Variants in RBFA observed in about 807,000 individuals in gnomAD.
RBFA encodes the protein putative ribosome-binding factor A, mitochondrial.
RBFA carries 16 observed loss-of-function variants against 27.9 expected under a neutral mutation model. The ratio of observed to expected loss-of-function variants is 0.57; its 90% CI spans 0.39 to 0.87. The LOEUF (loss-of-function observed/expected upper bound fraction) is 0.87. RBFA is among the 40% of genes least tolerant of loss of function. RBFA has a pLI of 0.00. For missense variants in RBFA, 456 were observed against 432.1 expected (o/e 1.06, Z -0.49); for synonymous variants, 181 against 181.0 (o/e 1.00, Z 0.00).
intron 5 of RBFA, among the ~76,000 whole-genome samples, chr18:80,043,796 G>A (rs558634892): frequency 8.5e-5 from 13 of 152,288 alleles, no homozygotes; most frequent in Admixed American, 4.6e-4. Context: ...GTGACTGTCC[G>A]CATCATCTTT....
chr18:80,045,566 G>A (rs1471593796), intron 6 of RBFA, among the ~76,000 whole-genome samples: 2 of 152,086 alleles, frequency 1.3e-5, no homozygotes, highest in African/African-American at 4.8e-5. Context: ...CCTGGACTGT[G>A]CTGGCCGAAT....
At chr18:80,037,287 G>A in intron 2 of RBFA, 43 bp from the exon 3 acceptor site, 1 of 1,582,504 alleles carries the variant, frequency 6.3e-7, no homozygotes, top group Non-Finnish European at 8.6e-7. Flanking sequence ...TGAGTTTGGA[G>A]TTGTAACGCT....
chr18:80,042,230 C>G lies in RBFA; in HGVS notation c.576+11C>G, dbSNP rs1206133227. 2 of 1,566,120 alleles carry G rather than the reference C, an allele frequency of 1.3e-6. No individual in the cohort carries two copies. The highest frequency in any genetic ancestry group is 1.7e-6 in the Non-Finnish European group (2 of 1,158,290). ...GCAGCTCTAGCTGAGGTAAGGTTTT[C>G]AAAAAAACTTTTTAAAATTTAAAAA... On this transcript the variant is annotated intron_variant, in intron 5 of 6. Coordinates refer to ENST00000306735, the MANE Select transcript of RBFA (RefSeq NM_024805.3).
At chr18:80,045,495 G>A (rs554295683) in intron 6 of RBFA, among the ~76,000 whole-genome samples, 1 of 152,138 alleles carries the variant, frequency 6.6e-6, no homozygotes, top group Non-Finnish European at 1.5e-5. Flanking sequence ...ACAGTGCTGG[G>A]ATTACAGATG....
chr18:80,044,110 C>G lies in RBFA; in HGVS notation c.577-102C>G, dbSNP rs533946112. Reference sequence around the variant, plus strand: ...TGGAAGGAATTGTGCAAAGTCTGATCAAAAGCTCTGCAGTCAACAATGCTG... The same window carrying G: ...TGGAAGGAATTGTGCAAAGTCTGATGAAAAGCTCTGCAGTCAACAATGCTG... On this transcript the variant is annotated intron_variant, in intron 5 of 6. Transcript: ENST00000306735. 11 of 960,846 alleles carry G rather than the reference C, an allele frequency of 1.1e-5. No homozygotes were observed. The South Asian group carries it at 1.2e-4, about 10-fold the overall frequency. The allele number at this position is 960,846 out of a possible 1,614,324, so 59.5% of individuals were successfully genotyped here.
At position 80,049,328 on chromosome 18, in the gene RBFA, A is replaced by G. The variant is rs1038101368; in HGVS notation, c.*3173A>G. Among the ~76,000 whole-genome samples, 3 of 151,660 alleles carry G rather than the reference A, an allele frequency of 2.0e-5. No homozygotes were observed. The highest frequency in any genetic ancestry group is 7.3e-5 in the African/African-American group (3 of 41,186). The stretch of plus-strand genomic sequence containing the variant: ...CCACGGCCTTTCCTGGGAGCAGGTT[A>G]GGGACATGGAAGCTCACGCCCTTCT... On this transcript the variant is annotated 3_prime_UTR_variant, in exon 7 of 7. Transcript: ENST00000306735.
In RBFA at chr18:80,044,412, C is replaced by T. The variant is rs2052036828; in HGVS notation, c.650+127C>T. 12 of 824,992 alleles carry T rather than the reference C, an allele frequency of 1.5e-5. No individual in the cohort carries two copies. In the Middle Eastern group the frequency reaches 9.1e-4, roughly 62 times the overall value. The allele number at this position is 824,992 out of a possible 1,614,324, so 51.1% of individuals were successfully genotyped here. Reference sequence around the variant, plus strand: ...TGCATGATCCCCATGGCACTTGCCTCCAGGGCCGGCAATCCACATTCACAG... The same window carrying T: ...TGCATGATCCCCATGGCACTTGCCTTCAGGGCCGGCAATCCACATTCACAG... On this transcript the variant is annotated intron_variant, in intron 6 of 6. Transcript: ENST00000306735.
In RBFA at chr18:80,050,641, A is replaced by T. The variant is rs1239151179; in HGVS notation, c.*4486A>T. On this transcript the variant is annotated 3_prime_UTR_variant, in exon 7 of 7. Coordinates refer to ENST00000306735, the MANE Select transcript of RBFA (RefSeq NM_024805.3). ...AGATACTGAAATAAATTAATTCTGT[A>T]TTTCTAAAAATAATTTCATACTTTC... Among the ~76,000 whole-genome samples, 1 of 152,238 alleles carries T rather than the reference A, an allele frequency of 6.6e-6. No homozygotes were observed. The highest frequency in any genetic ancestry group is 1.5e-5 in the Non-Finnish European group (1 of 68,044).
At chr18:80,035,062 C>T in intron 1 of RBFA, 1 of 199,982 alleles carries the variant, frequency 5.0e-6, no homozygotes, top group Non-Finnish European at 1.0e-5. Flanking sequence ...ATTGACTTTT[C>T]ACACTGCTTT....
At position 80,038,525 on chromosome 18, in the gene RBFA, C is replaced by A. The variant is rs201152461; in HGVS notation, c.399C>A (p.Phe133Leu). ...CTCAGGTTTCCCTGACTCCAGACTTCTCAGCCTGCCGAGCGTACTGGAAGA... is the reference window on the plus strand; with the variant it reads ...CTCAGGTTTCCCTGACTCCAGACTTATCAGCCTGCCGAGCGTACTGGAAGA... ...ELSKVSLTPD[F>L]SACRAYWKTT... The change falls in exon 4 of 7, where the codon TTC becomes TTA. Residue 133 changes from phenylalanine to leucine, a missense_variant. Phe to Leu is a conservative substitution (Grantham distance 22). Coordinates refer to ENST00000306735, the MANE Select transcript of RBFA (RefSeq NM_024805.3). 3.4e-5 allele frequency: 55 copies of A among 1,613,348 alleles called. No individual in the cohort carries two copies. The highest frequency in any genetic ancestry group is 1.6e-4 in the Middle Eastern group (1 of 6,078).
Position 80,046,648 on chromosome 18 carries a change from G to A in RBFA, c.*493G>A, listed in dbSNP as rs927292598. On this transcript the variant is annotated 3_prime_UTR_variant, in exon 7 of 7. Transcript: ENST00000306735. ...ATCCCTGGGGCTGCTGGGTCGGCACGTGGCGCCGGGGGCTCCGTCCCTGAC... is the reference window on the plus strand; with the variant it reads ...ATCCCTGGGGCTGCTGGGTCGGCACATGGCGCCGGGGGCTCCGTCCCTGAC... Among the ~76,000 whole-genome samples, 7 of 152,102 alleles carry A rather than the reference G, an allele frequency of 4.6e-5. No individual in the cohort carries two copies. In the South Asian group the frequency reaches 1.5e-3, roughly 32 times the overall value.
chr18:80,042,662 T>G (rs2052024235), intron 5 of RBFA, among the ~76,000 whole-genome samples: 7 of 151,500 alleles, frequency 4.6e-5, no homozygotes, highest in Admixed American at 4.6e-4. Flanking sequence ...TCTCAGCTGC[T>G]CGGGAGGCTG....
intron 4 of RBFA, among the ~76,000 whole-genome samples, chr18:80,039,713 G>A (rs1162756756): frequency 6.6e-6 from 1 of 152,222 alleles, no homozygotes; most frequent in East Asian, 1.9e-4. Flanking sequence ...CAAACGTGCT[G>A]TTGTATGATA....
rs1053110872 is a variant in RBFA, at chr18:80,046,000, A to T, written c.877A>T (p.Lys293Ter). The T allele has an allele frequency of 1.2e-6, 2 of 1,614,060 alleles. No homozygotes were observed. The highest frequency in any genetic ancestry group is 2.2e-5 in the East Asian group (1 of 44,896). Residue 293 changes from lysine to a stop codon, truncating the protein, a stop_gained, in exon 7 of 7, where the codon AAG (lysine) becomes TAG (stop). Transcript: ENST00000306735. LOFTEE classifies it low-confidence loss of function (END_TRUNC). Reference sequence around the variant, plus strand: ...CCGCCTGGAGCAGGACAGCTCCCTCAAGAGTTACCTGTCAGGCGAGGAGGT... The same window carrying T: ...CCGCCTGGAGCAGGACAGCTCCCTCTAGAGTTACCTGTCAGGCGAGGAGGT... ...KPRLEQDSSL[K>*]SYLSGEEVED...
rs1213812425 is a variant in RBFA at position 80,038,517 on chromosome 18, C to T, written c.391C>T (p.Pro131Ser). 3.1e-6 allele frequency: 5 copies of T among 1,612,230 alleles called. No individual in the cohort carries two copies. Among genetic ancestry groups the T allele is most frequent in the East Asian group, 2.2e-5 (1 of 44,832 alleles). ...GGCGGGGTCTCAGGTTTCCCTGACT[C>T]CAGACTTCTCAGCCTGCCGAGCGTA... Reference protein sequence around the residue: ...NVELSKVSLTPDFSACRAYWK... With the variant: ...NVELSKVSLTSDFSACRAYWK... Residue 131 changes from proline to serine, a missense_variant, in exon 4 of 7, where the codon CCA becomes TCA. Transcript: ENST00000306735.
intron 1 of RBFA, chr18:80,035,940 C>G (rs1172898530): frequency 6.6e-6 from 1 of 152,198 alleles, no homozygotes; most frequent in Non-Finnish European, 1.5e-5. Flanking sequence ...TTCCTACTTT[C>G]TGGCACTACA....
intron 5 of RBFA, among the ~76,000 whole-genome samples, chr18:80,042,664 G>C (rs376305172): frequency 1.3e-5 from 2 of 152,026 alleles, no homozygotes; most frequent in Admixed American, 6.5e-5. Context: ...TCAGCTGCTC[G>C]GGAGGCTGAG....
At chr18:80,035,623 C>T (rs1209009082) in intron 1 of RBFA, 3 of 152,218 alleles carry the variant, frequency 2.0e-5, no homozygotes, top group African/African-American at 7.2e-5. Flanking sequence ...GTTTCTCTAC[C>T]GTAAAGTTAC....
chr18:80,046,178 A>T lies in RBFA; in HGVS notation c.*23A>T. On this transcript the variant is annotated 3_prime_UTR_variant, in exon 7 of 7. Coordinates refer to ENST00000306735, the MANE Select transcript of RBFA (RefSeq NM_024805.3). ...TAGATGGAGAGGCTCTGCCCATCCC[A>T]CATTTGCAGGGAAAAGCATTGGCAC... 1.2e-6 allele frequency: 2 copies of T among 1,604,582 alleles called. No homozygotes were observed. Among genetic ancestry groups the T allele is most frequent in the Non-Finnish European group, 1.7e-6 (2 of 1,173,722 alleles).
Sources: allele counts gnomAD v4.1 joint callset (sites outside exome capture counted in the v4.1 genomes callset), GRCh38; gene constraint gnomAD v4.1.1; transcripts MANE v1.5; gene names NCBI Gene and HGNC (gene_info 2026-07-23, HGNC 2026-07-21).